OSBP2: variants seen among roughly 807,000 people sequenced by gnomAD.
OSBP2 encodes oxysterol-binding protein 2.
Under a neutral mutation model 96.0 loss-of-function variants are expected in OSBP2, and 66 were observed. That is an observed-to-expected ratio of 0.69 (90% confidence interval 0.56 to 0.84). The LOEUF (loss-of-function observed/expected upper bound fraction) is 0.84, where lower values mean the gene tolerates loss of function less well. Ranked by LOEUF, OSBP2 falls within the 40% of genes least tolerant of loss-of-function variation. The pLI is 0.00. For missense variants in OSBP2, 1,038 were observed against 1,222.7 expected (o/e 0.85, Z 2.25); for synonymous variants, 525 against 520.9 (o/e 1.01, Z -0.11).
chr22:30,727,559 C>T (rs761170707), intron 1 of OSBP2, among the ~76,000 whole-genome samples: 5 of 152,078 alleles, frequency 3.3e-5, no homozygotes, highest in Non-Finnish European at 7.4e-5. Context: ...ACAGAACCAC[C>T]CCAGAGAGGA....
At chr22:30,849,105 A>AAAAAATTT (rs200240612) in intron 2 of OSBP2, among the ~76,000 whole-genome samples, 2,208 of 152,102 alleles carry the variant, frequency 0.015, 26 homozygotes, top group Non-Finnish European at 0.02. Context: ...CATCTCTACA[A>AAAAAATTT]AAAAATTTAA....
At chr22:30,740,928 A>G (rs2089929451) in intron 1 of OSBP2, among the ~76,000 whole-genome samples, 1 of 152,144 alleles carries the variant, frequency 6.6e-6, no homozygotes, top group Non-Finnish European at 1.5e-5. Flanking sequence ...CGTGGCACCA[A>G]TGCAGGCTCC....
At chr22:30,897,553 A>C (rs375650354) in intron 12 of OSBP2, among the ~76,000 whole-genome samples, 4 of 152,364 alleles carry the variant, frequency 2.6e-5, no homozygotes, top group African/African-American at 9.6e-5. Flanking sequence ...AAAAATCCCA[A>C]ATATTTGGGA....
chr22:30,880,583 C>T (rs368629164), intron 3 of OSBP2, among the ~76,000 whole-genome samples: 2 of 152,182 alleles, frequency 1.3e-5, no homozygotes, highest in East Asian at 1.9e-4. Context: ...GGGAAGTTTC[C>T]AGGAAGCCAC....
chr22:30,858,063 G>A (rs547282049), intron 2 of OSBP2, among the ~76,000 whole-genome samples: 6 of 152,200 alleles, frequency 3.9e-5, no homozygotes, highest in Non-Finnish European at 1.5e-5. Context: ...GCTAGGCCTC[G>A]CCAAGGGGGA....
chr22:30,866,423 C>T (rs547468559), intron 2 of OSBP2, among the ~76,000 whole-genome samples: 3 of 152,322 alleles, frequency 2.0e-5, no homozygotes, highest in South Asian at 2.1e-4. Context: ...GGACTCCTGA[C>T]TTCCAGAGCT....
chr22:30,867,410 G>A (rs1204367818), intron 2 of OSBP2, among the ~76,000 whole-genome samples: 3 of 151,982 alleles, frequency 2.0e-5, no homozygotes, highest in Non-Finnish European at 2.9e-5. Flanking sequence ...ATGTGTGATC[G>A]CCAACCCCGG....
At chr22:30,796,491 AT>A (rs949801722) in intron 2 of OSBP2, among the ~76,000 whole-genome samples, 5 of 151,924 alleles carry the variant, frequency 3.3e-5, no homozygotes, top group African/African-American at 9.7e-5. Flanking sequence ...ATTGGGTTTA[AT>A]TTTTTTTAAT....
chr22:30,797,261 A>G (rs1416345112), intron 2 of OSBP2, among the ~76,000 whole-genome samples: 1 of 152,152 alleles, frequency 6.6e-6, no homozygotes, highest in African/African-American at 2.4e-5. Context: ...ATTGTGAGCA[A>G]TGCTGCTATG....
rs1268169825 is a variant in OSBP2 at position 30,890,762 on chromosome 22, G to A, written c.1658G>A (p.Arg553Gln). ...AATGAGCCCCTGTCCATGCTCCAGCGGCTGACAGAGGACCTGGAGTACCAC... is the reference window on the plus strand; with the variant it reads ...AATGAGCCCCTGTCCATGCTCCAGCAGCTGACAGAGGACCTGGAGTACCAC... ...NFNEPLSMLQRLTEDLEYHHL... is the reference protein window; with the variant it reads ...NFNEPLSMLQQLTEDLEYHHL... The change falls in exon 8 of 14, where the codon CGG becomes CAG. Residue 553 changes from arginine to glutamine, a missense_variant. Coordinates refer to ENST00000332585, the MANE Select transcript of OSBP2 (RefSeq NM_030758.4). The surrounding 1 kb of genome is among the most constrained non-coding windows in gnomAD (Gnocchi z 4.4). 2.5e-6 allele frequency: 4 copies of A among 1,613,206 alleles called. No homozygotes were observed. Among genetic ancestry groups the A allele is most frequent in the Admixed American group, 1.7e-5 (1 of 60,012 alleles).
chr22:30,867,706 C>G (rs1162581160), intron 2 of OSBP2, among the ~76,000 whole-genome samples: 3 of 152,220 alleles, frequency 2.0e-5, no homozygotes, highest in African/African-American at 7.2e-5. Flanking sequence ...GGGCTGCTTA[C>G]TAAGGTGTAC....
At chr22:30,815,097 C>T (rs1293992084) in intron 2 of OSBP2, among the ~76,000 whole-genome samples, 1 of 152,150 alleles carries the variant, frequency 6.6e-6, no homozygotes, top group African/African-American at 2.4e-5. Context: ...GCCTGGGCAA[C>T]GTGGTGAAAC....
intron 2 of OSBP2, among the ~76,000 whole-genome samples, chr22:30,812,481 C>T (rs1313030676): frequency 2.0e-5 from 3 of 152,156 alleles, no homozygotes; most frequent in Admixed American, 2.0e-4. Context: ...TTTTAAAGAA[C>T]AGCATAGAAT....
rs2089473316 is a variant in OSBP2, at chr22:30,717,093, TGTGTGTGTGTGTGTGTG to T, written c.644+21541_644+21557del. Among the ~76,000 whole-genome samples, 5 of 107,752 alleles carry T rather than the reference TGTGTGTGTGTGTGTGTG, an allele frequency of 4.6e-5. No individual in the cohort carries two copies. In the Admixed American group the frequency reaches 4.6e-4, roughly 10 times the overall value. 70.7% of individuals were successfully genotyped at this position (107,752 alleles called of 152,430 possible). On this transcript the variant is annotated intron_variant, in intron 1 of 13. Coordinates refer to ENST00000332585, the MANE Select transcript of OSBP2 (RefSeq NM_030758.4). ...TTTTGTTTTAATTTTACTGTTTTTG[TGTGTGTGTGTGTGTGTG>T]TGTGTGTGTGTGTGTGTGTGTGTAG...
At chr22:30,694,818 C>T, upstream of OSBP2, 1 of 572,604 alleles carries the variant, frequency 1.7e-6, no homozygotes, top group Non-Finnish European at 2.2e-6. Flanking sequence ...CCCCGCCTCG[C>T]GCCGCGCGCA....
In OSBP2 at chr22:30,838,697, CT is replaced by C. The variant is rs572643836; in HGVS notation, c.854-31723del. Among the ~76,000 whole-genome samples, 5 of 150,320 alleles carry C rather than the reference CT, an allele frequency of 3.3e-5. No individual in the cohort carries two copies. The South Asian group carries it at 6.4e-4, about 19-fold the overall frequency. On this transcript the variant is annotated intron_variant, in intron 2 of 13. Coordinates refer to ENST00000332585, the MANE Select transcript of OSBP2 (RefSeq NM_030758.4). ...AAGAGATGTTTAATTTTGCCCAGTG[CT>C]TTTTTTTTCTGTGCCTATTAAAATT...
In OSBP2 at chr22:30,695,179, G is replaced by A. The variant is rs758567430; in HGVS notation, c.270G>A (p.Pro90=). The change falls in exon 1 of 14, where the codon CCG becomes CCA. Residue 90 remains proline (P), a synonymous_variant. Coordinates refer to ENST00000332585, the MANE Select transcript of OSBP2 (RefSeq NM_030758.4). ...CTGTGTCCGAGACGACGTCTGAGCC[G>A]GAGCCAGGGGCTGGGCAGCCATCGG... is the stretch of plus-strand genomic sequence containing the variant. ...SEPVSETTSE[P]EPGAGQPSEL... The A allele has an allele frequency of 8.7e-6, 14 of 1,611,954 alleles. No individual in the cohort carries two copies. Among genetic ancestry groups the A allele is most frequent in the South Asian group, 3.3e-5 (3 of 90,900 alleles).
intron 12 of OSBP2, chr22:30,902,166 G>A (rs1321426650): frequency 7.6e-5 from 40 of 524,618 alleles, no homozygotes; most frequent in African/African-American, 3.9e-4. Context: ...AGGGTCCCAC[G>A]GCAGTACTGG....
chr22:30,760,522 A>G (rs1476305849), intron 2 of OSBP2, among the ~76,000 whole-genome samples: 1 of 152,178 alleles, frequency 6.6e-6, no homozygotes, highest in East Asian at 1.9e-4. Context: ...ATGTTTGAAA[A>G]TCAATAAATG....
Sources: allele counts gnomAD v4.1 joint callset (sites outside exome capture counted in the v4.1 genomes callset), GRCh38; gene constraint gnomAD v4.1.1; non-coding constraint Gnocchi (gnomAD v3.1); transcripts MANE v1.5; gene names NCBI Gene and HGNC (gene_info 2026-07-23, HGNC 2026-07-21).